NOS1: variants seen among roughly 807,000 people sequenced by gnomAD.
NOS1 encodes the protein NOS type I.
Under a neutral mutation model 164.5 loss-of-function variants are expected in NOS1, and 51 were observed. That is an observed-to-expected ratio of 0.31 (90% CI 0.25 to 0.39). The LOEUF (loss-of-function observed/expected upper bound fraction) is 0.39, where lower values mean the gene tolerates loss of function less well. Ranked by LOEUF, NOS1 falls within the 10% of genes least tolerant of loss-of-function variation. The pLI is 1.00. For missense variants in NOS1, 1,362 were observed against 1,885.6 expected (o/e 0.72, Z 5.14); for synonymous variants, 719 against 745.8 (o/e 0.96, Z 0.59).
At chr12:117,247,227 G>T in intron 18 of NOS1, 121 bp downstream of exon 18, 1 of 778,190 alleles carries the variant, frequency 1.3e-6, no homozygotes, top group Non-Finnish European at 2.0e-6. Flanking sequence ...ATCTTGGCTG[G>T]ATACATGGGA....
Position 117,272,573 on chromosome 12 carries a change from C to G in NOS1, c.1665-14G>C. 6.2e-7 allele frequency: 1 copy of G among 1,609,128 alleles called. No homozygotes were observed. The highest frequency in any genetic ancestry group is 8.5e-7 in the Non-Finnish European group (1 of 1,177,778). On this transcript the variant is annotated splice_polypyrimidine_tract_variant and intron_variant, in intron 9 of 28. Transcript: ENST00000317775. This position sits in a 1 kb window ranked among gnomAD's most constrained non-coding sequence, Gnocchi z 4.3. ...AACCACTCAAACCTGCAGGGAGCAA[C>G]AGGGCCCAGCTCACCCGGAGCAGGT...
At position 117,331,233 on chromosome 12, in the gene NOS1, G is replaced by T; in HGVS notation, c.-164C>A. 4.9e-6 allele frequency: 4 copies of T among 814,942 alleles called. No homozygotes were observed. The highest frequency in any genetic ancestry group is 7.6e-6 in the Non-Finnish European group (4 of 529,556). The allele number at this position is 814,942 out of a possible 1,614,324, so 50.5% of individuals were successfully genotyped here. On this transcript the variant is annotated 5_prime_UTR_variant, in exon 2 of 29. Coordinates refer to ENST00000317775, the MANE Select transcript of NOS1 (RefSeq NM_000620.5). Reference sequence around the variant, plus strand: ...TCTCTGTCTTTGACGTCAGCTCAGCGTCACCCACTCATGGCTGGTGGCCCG... The same window carrying T: ...TCTCTGTCTTTGACGTCAGCTCAGCTTCACCCACTCATGGCTGGTGGCCCG...
Position 117,359,874 on chromosome 12 carries a change from TTTTATATATATATATATATA to T in NOS1, c.-421+1618_-421+1637del, listed in dbSNP as rs1204105086. 5.2e-3 allele frequency among the ~76,000 whole-genome samples: 231 copies of T among 44,202 alleles called. 7 individuals carry two copies. The highest frequency in any genetic ancestry group is 7.6e-3 in the African/African-American group (92 of 12,042). The allele number at this position is 44,202 out of a possible 152,430, so 29.0% of individuals were successfully genotyped here. Reference sequence around the variant, plus strand: ...CGGTCCCAGAGCATTACAATAATGGTTTTATATATATATATATATATATATATATATATATATATATATAT... The same window carrying T: ...CGGTCCCAGAGCATTACAATAATGGTTATATATATATATATATATATATAT... On this transcript the variant is annotated intron_variant, in intron 1 of 28. Coordinates refer to ENST00000317775, the MANE Select transcript of NOS1 (RefSeq NM_000620.5).
At chr12:117,328,512 C>T (rs1875366813) in intron 2 of NOS1, among the ~76,000 whole-genome samples, 1 of 152,170 alleles carries the variant, frequency 6.6e-6, no homozygotes, top group South Asian at 2.1e-4. Flanking sequence ...CCTAGCCTCC[C>T]TATTTAAAAG....
chr12:117,216,434 A>C (rs2135917125), intron 28 of NOS1, among the ~76,000 whole-genome samples: 1 of 151,052 alleles, frequency 6.6e-6, no homozygotes, highest in Middle Eastern at 3.4e-3. Context: ...CACCGGCCTC[A>C]GCCTCCCGAA....
At position 117,220,001 on chromosome 12, in the gene NOS1, C is replaced by A. The variant is rs573911249; in HGVS notation, c.4170+74G>T. On this transcript the variant is annotated intron_variant, in intron 27 of 28. Coordinates refer to ENST00000317775, the MANE Select transcript of NOS1 (RefSeq NM_000620.5). ...ATCGTGGCTCCCCTAATCATCAAGA[C>A]AGGTTGGATGAAAAAGGGGGGATAG... The A allele has an allele frequency of 3.5e-6, 5 of 1,429,774 alleles. No homozygotes were observed. The South Asian group carries it at 6.7e-5, about 19-fold the overall frequency. The allele number at this position is 1,429,774 out of a possible 1,614,324, so 88.6% of individuals were successfully genotyped here. A position where few individuals can be genotyped will look rare whatever the true frequency, so the allele number is the denominator to read the frequency against.
chr12:117,303,800 G>A (rs958508071), intron 3 of NOS1, among the ~76,000 whole-genome samples: 1 of 152,156 alleles, frequency 6.6e-6, no homozygotes, highest in African/African-American at 2.4e-5. Flanking sequence ...GTTTGTGCAG[G>A]GAGGATGGCC....
In NOS1 at chr12:117,210,739, G is replaced by A. The variant is rs560995789; in HGVS notation, c.*4570C>T. 51 of 985,286 alleles carry A rather than the reference G, an allele frequency of 5.2e-5. No homozygotes were observed. The African/African-American group carries it at 8.6e-4, about 17-fold the overall frequency. The allele number at this position is 985,286 out of a possible 1,614,324, so 61.0% of individuals were successfully genotyped here. On this transcript the variant is annotated 3_prime_UTR_variant, in exon 29 of 29. Coordinates refer to ENST00000317775, the MANE Select transcript of NOS1 (RefSeq NM_000620.5). Reference sequence around the variant, plus strand: ...CAGAGCAGGCAGCTGCTGAAAGCGTGTTTGGTCAGAAGATTCTGTGTTCTT... The same window carrying A: ...CAGAGCAGGCAGCTGCTGAAAGCGTATTTGGTCAGAAGATTCTGTGTTCTT...
rs1438062448 is a variant in NOS1, at chr12:117,247,470, C to G, written c.2701G>C (p.Gly901Arg). 1.2e-6 allele frequency: 2 copies of G among 1,612,616 alleles called. No homozygotes were observed. Among genetic ancestry groups the G allele is most frequent in the Non-Finnish European group, 1.7e-6 (2 of 1,179,574 alleles). The stretch of plus-strand genomic sequence containing the variant: ...TCCAGGAGGGTGTCCACAGCGTGTC[C>G]GAAGGCGCAAAAGTGAGGGTATGCT... The part of the protein sequence containing the change: ...SRAYPHFCAF[G>R]HAVDTLLEEL... The change falls in exon 18 of 29, where the codon GGA (glycine) becomes CGA (arginine). Residue 901 changes from glycine (G) to arginine (R), a missense_variant. Around this residue, in one of 4 missense-constraint regions of NOS1, gnomAD observed 737 missense variants for 1,030.3 expected, o/e 0.72. Coordinates refer to ENST00000317775, the MANE Select transcript of NOS1 (RefSeq NM_000620.5).
At chr12:117,310,364 T>C (rs1043685191) in intron 3 of NOS1, among the ~76,000 whole-genome samples, 1 of 152,214 alleles carries the variant, frequency 6.6e-6, no homozygotes, top group Non-Finnish European at 1.5e-5. Context: ...TGAAATATTA[T>C]ATGGCTATAA....
chr12:117,319,374 A>T (rs1343555008), intron 2 of NOS1, among the ~76,000 whole-genome samples: 2 of 152,214 alleles, frequency 1.3e-5, no homozygotes, highest in African/African-American at 4.8e-5. Context: ...CAAGAGGAGG[A>T]ATTCTACCAT....
chr12:117,278,244 C>T, intron 8 of NOS1, 146 bp from the exon 9 acceptor site: 1 of 883,514 alleles, frequency 1.1e-6, no homozygotes, highest in Non-Finnish European at 1.6e-6. Flanking sequence ...GACCACATCA[C>T]CTGCTTTATA....
intron 8 of NOS1, among the ~76,000 whole-genome samples, chr12:117,280,387 C>G (rs1416104308): frequency 6.6e-6 from 1 of 152,140 alleles, no homozygotes; most frequent in African/African-American, 2.4e-5. Flanking sequence ...TGGTGAGAGG[C>G]AGGAGATTTG....
intron 10 of NOS1, among the ~76,000 whole-genome samples, chr12:117,271,989 G>C (rs1008705096): frequency 6.6e-6 from 1 of 152,114 alleles, no homozygotes. Context: ...GAGAGGCAGC[G>C]GAGTGGAGTG....
intron 16 of NOS1, chr12:117,255,834 C>G: frequency 1.6e-6 from 1 of 622,754 alleles, no homozygotes; most frequent in Non-Finnish European, 2.5e-6. Flanking sequence ...GGTTAGAACT[C>G]GGATCTCCTT....
intron 12 of NOS1, among the ~76,000 whole-genome samples, chr12:117,264,570 CCCTT>C (rs1454374467): frequency 2.2e-4 from 30 of 136,154 alleles, no homozygotes; most frequent in African/African-American, 6.4e-4. Flanking sequence ...TTCCTTTCTT[CCCTT>C]CCTTCCTTCT....
intron 27 of NOS1, among the ~76,000 whole-genome samples, 194 bp downstream of exon 27, chr12:117,219,881 T>G (rs999295387): frequency 2.6e-5 from 4 of 152,228 alleles, no homozygotes; most frequent in Non-Finnish European, 5.9e-5. Flanking sequence ...CCTGCCTGCA[T>G]GCCCAGCCAT....
At position 117,286,052 on chromosome 12, in the gene NOS1, C is replaced by T. The variant is rs1414157055; in HGVS notation, c.1290+52G>A. On this transcript the variant is annotated intron_variant, in intron 6 of 28. Transcript: ENST00000317775. ...TTTTAAAGCTCCATCCACTCCCCTT[C>T]CCCTCTTCCCTCATTTAAGGGCTCT... The T allele has an allele frequency of 3.8e-6, 6 of 1,597,374 alleles. No homozygotes were observed. In the East Asian group the frequency reaches 1.1e-4, roughly 30 times the overall value.
chr12:117,224,997 CCACTGGACT>C lies in NOS1; in HGVS notation c.3826+10_3826+18del, dbSNP rs1385608436. ...AGGTCCGGGGGTGGGAACCAAGTGG[CCACTGGACT>C]GTAACCCACCTTTGTGTTGGATATC... On this transcript the variant is annotated intron_variant, in intron 25 of 28. Coordinates refer to ENST00000317775, the MANE Select transcript of NOS1 (RefSeq NM_000620.5). 1.2e-6 allele frequency: 2 copies of C among 1,613,970 alleles called. No individual in the cohort carries two copies. The highest frequency in any genetic ancestry group is 1.7e-4 in the Middle Eastern group (1 of 6,056).
Sources: gnomAD v4.1 joint callset for allele counts (sites outside exome capture counted in the v4.1 genomes callset) on GRCh38, gnomAD v4.1.1 for gene constraint, gnomAD v4.1.1 regional missense constraint, Gnocchi (gnomAD v3.1) non-coding constraint, MANE v1.5 for transcripts, NCBI Gene and HGNC (gene_info 2026-07-23, HGNC 2026-07-21) for gene names.